The following PPP2R1B variants were observed in gnomAD, a reference collection of about 807,000 sequenced individuals.
PPP2R1B encodes the protein serine/threonine-protein phosphatase 2A 65 kDa regulatory subunit A beta isoform.
A neutral mutation model predicts 72.7 loss-of-function variants in PPP2R1B; 58 were observed. The observed-to-expected ratio is 0.80, with a 90% CI of 0.65 to 0.99. PPP2R1B has a LOEUF of 0.99. Ranked by LOEUF, PPP2R1B falls within the 50% of genes least tolerant of loss-of-function variation. The pLI is 0.00. For synonymous variants in PPP2R1B, 256 were observed against 264.6 expected, an observed-to-expected ratio of 0.97 and a Z score of 0.32; for missense variants, 695 against 733.6, an observed-to-expected ratio of 0.95 and a Z score of 0.61.
intron 5 of PPP2R1B, among the ~76,000 whole-genome samples, chr11:111,759,077 G>A (rs1180065783): frequency 1.3e-5 from 2 of 152,076 alleles, no homozygotes; most frequent in Non-Finnish European, 2.9e-5. Flanking sequence ...ACAGAGAAGC[G>A]GGACAGCCTA....
rs1204399950 is a variant in PPP2R1B at position 111,742,065 on chromosome 11, C to T, written c.1777G>A (p.Glu593Lys). 6.2e-7 allele frequency: 1 copy of T among 1,612,884 alleles called. No homozygotes were observed. ...AGGAAATACATACCACTTATAGCTT[C>T]CTGTGCAAAGTATTTGACATCCATG... is the stretch of plus-strand genomic sequence containing the variant. ...EDMDVKYFAQ[E>K]AISVLALA is the part of the protein sequence containing the mutation. Residue 593 changes from glutamate to lysine, a missense_variant, in exon 14 of 15, where the codon GAA (glutamate) becomes AAA (lysine). By Grantham distance (56) the Glu-to-Lys change is moderately conservative. Coordinates refer to ENST00000527614, the MANE Select transcript of PPP2R1B (RefSeq NM_002716.5).
At chr11:111,755,583 T>A in intron 5 of PPP2R1B, 133 bp from the exon 6 acceptor site, 76 of 650,756 alleles carry the variant, frequency 1.2e-4, no homozygotes, top group Non-Finnish European at 1.5e-4. Flanking sequence ...CGTCTTGACA[T>A]CTTTTTCTTT....
At chr11:111,730,299 A>G (rs1434360758) in intron 15 of PPP2R1B, 4 of 152,246 alleles carry the variant, frequency 2.6e-5, no homozygotes, top group Non-Finnish European at 5.9e-5. Flanking sequence ...GTCTGTCTGC[A>G]GAAGATTTGC....
the PPP2R1B span, among the ~76,000 whole-genome samples, chr11:111,695,165 A>G: frequency 6.6e-6 from 1 of 152,194 alleles, no homozygotes; most frequent in Non-Finnish European, 1.5e-5. Context: ...CACTCCTATT[A>G]TAATTACAAA....
At chr11:111,689,388 T>G in the PPP2R1B span, among the ~76,000 whole-genome samples, 1 of 152,080 alleles carries the variant, frequency 6.6e-6, no homozygotes, top group African/African-American at 2.4e-5. Context: ...GTGGGAGATG[T>G]GGGTGAGGTG....
At chr11:111,701,835 AG>A in the PPP2R1B span, among the ~76,000 whole-genome samples, 1 of 152,164 alleles carries the variant, frequency 6.6e-6, no homozygotes, top group African/African-American at 2.4e-5. This position sits in a 1 kb window ranked among gnomAD's most constrained non-coding sequence, Gnocchi z 4.2. Flanking sequence ...TAAATGTCCC[AG>A]GTTTATTTTA....
At chr11:111,750,992 C>A (rs1297841647) in intron 10 of PPP2R1B, among the ~76,000 whole-genome samples, 2 of 152,150 alleles carry the variant, frequency 1.3e-5, no homozygotes, top group Admixed American at 1.3e-4. Flanking sequence ...GTGTGCACCT[C>A]CGTGCCCAGC....
At chr11:111,722,543 T>C (rs1176160251), downstream of PPP2R1B, 4 of 950,534 alleles carry the variant, frequency 4.2e-6, no homozygotes, top group Admixed American at 4.3e-5. This position sits in a 1 kb window ranked among gnomAD's most constrained non-coding sequence, Gnocchi z 4.4. Context: ...TGTCAGTCCC[T>C]TCACCCCGTG....
intron 12 of PPP2R1B, among the ~76,000 whole-genome samples, chr11:111,742,880 CTTTG>C (rs1052484903): frequency 2.0e-5 from 3 of 149,772 alleles, no homozygotes; most frequent in Non-Finnish European, 3.0e-5. Context: ...TAGTTTTGTT[CTTTG>C]TTTTTTTTTT....
chr11:111,743,436 C>T lies in PPP2R1B; in HGVS notation c.1494G>A (p.Val498=). 6.2e-7 allele frequency: 1 copy of T among 1,613,516 alleles called. No homozygotes were observed. Among genetic ancestry groups the T allele is most frequent in the South Asian group, 1.1e-5 (1 of 91,038 alleles). ...EWAQNTIVPK[V]LVMANDPNYL... The stretch of plus-strand genomic sequence containing the variant: ...AATTAGGATCATTTGCCATTACTAA[C>T]ACTTTGGGAACAATAGTATTTTGGG... The change falls in exon 12 of 15, where the codon GTG becomes GTA. Residue 498 remains valine (V), a synonymous_variant. Coordinates refer to ENST00000527614, the MANE Select transcript of PPP2R1B (RefSeq NM_002716.5).
downstream of PPP2R1B, chr11:111,726,147 G>A (rs1179983415): frequency 5.3e-5 from 8 of 152,132 alleles, no homozygotes; most frequent in East Asian, 3.8e-4. Flanking sequence ...GAAGGAAGAC[G>A]TTTTCCCAAA....
the PPP2R1B span, among the ~76,000 whole-genome samples, chr11:111,703,839 T>C: frequency 6.6e-6 from 1 of 152,102 alleles, no homozygotes; most frequent in Non-Finnish European, 1.5e-5. Flanking sequence ...GGGATTTAGA[T>C]TGTGAACTGG....
downstream of PPP2R1B, among the ~76,000 whole-genome samples, chr11:111,734,521 T>C (rs1402745038): frequency 6.6e-6 from 1 of 152,224 alleles, no homozygotes. Flanking sequence ...GGCCCCACAG[T>C]GGAGAGGGCA....
rs111926509 is a variant in PPP2R1B at position 111,765,748 on chromosome 11, G to T, written c.115-364C>A. 1,314 of 480,966 alleles carry T rather than the reference G, an allele frequency of 2.7e-3. 11 individuals are homozygous for T. Among genetic ancestry groups the T allele is most frequent in the African/African-American group, 0.023 (1,159 of 51,294 alleles). The allele number at this position is 480,966 out of a possible 1,614,324, so 29.8% of individuals were successfully genotyped here. On this transcript the variant is annotated intron_variant, in intron 1 of 14. Coordinates refer to ENST00000527614, the MANE Select transcript of PPP2R1B (RefSeq NM_002716.5). ...TTTCAAAGAAAAGTTCCCACAGAGC[G>T]GATACACTACTCGTCCAGATTAATC...
chr11:111,760,707 G>C (rs535005968), intron 4 of PPP2R1B, 112 bp downstream of exon 4: 265 of 902,398 alleles, frequency 2.9e-4, no homozygotes, highest in South Asian at 1.5e-3. Context: ...GCCACTCATT[G>C]GTAACAAGGT....
At chr11:111,731,486 A>G (rs1944191966) in intron 15 of PPP2R1B, among the ~76,000 whole-genome samples, 1 of 152,248 alleles carries the variant, frequency 6.6e-6, no homozygotes, top group Non-Finnish European at 1.5e-5. Flanking sequence ...GCTCTCCTGC[A>G]TCCTGGACCT....
At chr11:111,759,583 C>G (rs879963990) in intron 5 of PPP2R1B, among the ~76,000 whole-genome samples, 2 of 152,190 alleles carry the variant, frequency 1.3e-5, no homozygotes, top group African/African-American at 4.8e-5. Flanking sequence ...TCTGACTCCC[C>G]ACTCTTTTAA....
chr11:111,753,624 A>G, intron 8 of PPP2R1B, 47 bp from the exon 9 acceptor site: 1 of 1,549,528 alleles, frequency 6.5e-7, no homozygotes, highest in South Asian at 1.2e-5. Flanking sequence ...GACAACAGAA[A>G]CTTCCATACC....
At chr11:111,762,190 C>T (rs1565480532) in intron 3 of PPP2R1B, among the ~76,000 whole-genome samples, 1 of 152,064 alleles carries the variant, frequency 6.6e-6, no homozygotes, top group Non-Finnish European at 1.5e-5. Flanking sequence ...AGCATAAAAC[C>T]CACATATAGA....
Sources: allele counts gnomAD v4.1 joint callset (sites outside exome capture counted in the v4.1 genomes callset), GRCh38; gene constraint gnomAD v4.1.1; non-coding constraint Gnocchi (gnomAD v3.1); transcripts MANE v1.5; gene names NCBI Gene and HGNC (gene_info 2026-07-23, HGNC 2026-07-21).